ARHGEF3: variants seen among roughly 807,000 people sequenced by gnomAD.
ARHGEF3 encodes the protein Rho guanine nucleotide exchange factor 3.
Under a neutral mutation model 63.2 loss-of-function variants are expected in ARHGEF3, and 28 were observed. The ratio of observed to expected loss-of-function variants is 0.44; its 90% confidence interval spans 0.33 to 0.61. The LOEUF is 0.61. ARHGEF3 is among the 20% of genes least tolerant of loss of function. The pLI is 0.03. For synonymous variants in ARHGEF3, 266 were observed against 254.2 expected, an observed-to-expected ratio of 1.05 and a Z score of -0.44; for missense variants, 533 against 659.3, an observed-to-expected ratio of 0.81 and a Z score of 2.10.
chr3:56,767,857 C>T (rs2035794923), intron 2 of ARHGEF3, among the ~76,000 whole-genome samples: 1 of 151,944 alleles, frequency 6.6e-6, no homozygotes, highest in East Asian at 2.0e-4. Context: ...AGTGATCCTC[C>T]CACCTCAGCC....
intron 2 of ARHGEF3, among the ~76,000 whole-genome samples, chr3:56,967,173 T>A (rs184216589): frequency 7.0e-4 from 101 of 144,800 alleles, no homozygotes; most frequent in African/African-American, 2.4e-3. Context: ...TTTTTTTTTT[T>A]AAATACAGCA....
intron 2 of ARHGEF3, among the ~76,000 whole-genome samples, chr3:56,988,089 CCCCA>C (rs2106935693): frequency 6.6e-6 from 1 of 152,214 alleles, no homozygotes; most frequent in Admixed American, 6.5e-5. Context: ...TCCAGCAGTT[CCCCA>C]CCTCTTGGGA....
chr3:56,926,814 G>T (rs535985262), intron 3 of ARHGEF3, among the ~76,000 whole-genome samples: 4 of 152,356 alleles, frequency 2.6e-5, no homozygotes, highest in African/African-American at 7.2e-5. Flanking sequence ...TTTTTTAAAA[G>T]AATGTGTGTG....
chr3:56,740,000 A>C (rs187666654), intron 7 of ARHGEF3, among the ~76,000 whole-genome samples: 1,683 of 152,084 alleles, frequency 0.011, 64 homozygotes, highest in East Asian at 0.096. Context: ...CCTGGATTCA[A>C]GCGATTCTCC....
chr3:56,927,611 T>A (rs2108383429), intron 3 of ARHGEF3, among the ~76,000 whole-genome samples: 1 of 152,128 alleles, frequency 6.6e-6, no homozygotes, highest in East Asian at 1.9e-4. Flanking sequence ...AGCCCCAGGA[T>A]CAGGCACCTA....
chr3:56,908,873 A>G (rs569611366), intron 3 of ARHGEF3, among the ~76,000 whole-genome samples: 1 of 152,310 alleles, frequency 6.6e-6, no homozygotes, highest in Admixed American at 6.5e-5. Context: ...TACCCAAAGG[A>G]AGAGAAATTA....
rs2041854056 is a variant in ARHGEF3, at chr3:56,911,585, A to G, written c.130-29231T>C. On this transcript the variant is annotated intron_variant, in intron 3 of 12. Transcript: ENST00000338458. ...TCACACGTCTGAGTGTTCCATCAAG[A>G]GAGGCCTTTTTAGGATCTAGTTTGA... is the stretch of plus-strand genomic sequence containing the variant. 2.6e-5 allele frequency among the ~76,000 whole-genome samples: 4 copies of G among 152,202 alleles called. No homozygotes were observed. In the South Asian group the frequency reaches 8.3e-4, roughly 32 times the overall value.
chr3:57,047,732 T>C (rs17057650), intron 1 of ARHGEF3, among the ~76,000 whole-genome samples: 3,523 of 152,248 alleles, frequency 0.023, 145 homozygotes, highest in African/African-American at 0.08. Context: ...CAGCGTTGTA[T>C]TCAATGCTGT....
chr3:56,868,206 C>A (rs1000583486), intron 4 of ARHGEF3, among the ~76,000 whole-genome samples: 16 of 152,138 alleles, frequency 1.1e-4, no homozygotes, highest in Non-Finnish European at 2.1e-4. Flanking sequence ...TAATGCCTAA[C>A]TGTAAGGAGA....
chr3:57,032,629 G>A (rs1006419705), intron 2 of ARHGEF3, among the ~76,000 whole-genome samples: 6 of 152,222 alleles, frequency 3.9e-5, no homozygotes, highest in African/African-American at 1.4e-4. Flanking sequence ...GGACCACTGT[G>A]AGAATTAAAT....
At chr3:56,822,715 T>C (rs2038558323) in intron 4 of ARHGEF3, among the ~76,000 whole-genome samples, 1 of 152,058 alleles carries the variant, frequency 6.6e-6, no homozygotes, top group South Asian at 2.1e-4. Context: ...TAGCTGGGTG[T>C]GGTGGCAGGC....
chr3:57,015,043 A>C (rs1393641644), intron 2 of ARHGEF3, among the ~76,000 whole-genome samples: 1 of 151,576 alleles, frequency 6.6e-6, no homozygotes, highest in Non-Finnish European at 1.5e-5. Flanking sequence ...GTCTGCCAAC[A>C]ACCTGAAATT....
At chr3:56,997,690 G>A (rs769378445) in intron 2 of ARHGEF3, among the ~76,000 whole-genome samples, 17 of 152,126 alleles carry the variant, frequency 1.1e-4, no homozygotes, top group Non-Finnish European at 1.8e-4. Flanking sequence ...GACAGCCTGC[G>A]AGTACAATGA....
chr3:56,751,274 G>T lies in ARHGEF3; in HGVS notation c.535+26C>A, dbSNP rs759410767. ...CAACTCAGTTAAGGCTACAAGTCACGACTCATCCTGGGAACAAAATTATAC... is the reference window on the plus strand; with the variant it reads ...CAACTCAGTTAAGGCTACAAGTCACTACTCATCCTGGGAACAAAATTATAC... On this transcript the variant is annotated intron_variant, in intron 5 of 9. Transcript: ENST00000296315. 2.5e-6 allele frequency: 4 copies of T among 1,589,578 alleles called. No homozygotes were observed. In the South Asian group the frequency reaches 3.3e-5, roughly 13 times the overall value.
At chr3:56,918,282 A>G (rs897031304) in intron 3 of ARHGEF3, among the ~76,000 whole-genome samples, 1 of 152,250 alleles carries the variant, frequency 6.6e-6, no homozygotes, top group African/African-American at 2.4e-5. Flanking sequence ...AAGGAGTCCC[A>G]GCAGCCAAGG....
intron 2 of ARHGEF3, among the ~76,000 whole-genome samples, chr3:56,757,486 A>C (rs1185082890): frequency 6.6e-6 from 1 of 152,192 alleles, no homozygotes; most frequent in Non-Finnish European, 1.5e-5. Flanking sequence ...GAAAAAAAAA[A>C]AAGTTATAAT....
rs935292505 is a variant in ARHGEF3, at chr3:56,821,516, T to G, written c.193-47700A>C. Among the ~76,000 whole-genome samples the G allele has an allele frequency of 3.9e-5, 6 of 152,358 alleles. No homozygotes were observed. In the South Asian group the frequency reaches 1.2e-3, roughly 32 times the overall value. Reference sequence around the variant, plus strand: ...CAACTTAAAAATTATCATTTTTGGTTGGTCAATGCCATTGAGGTTATAAGT... The same window carrying G: ...CAACTTAAAAATTATCATTTTTGGTGGGTCAATGCCATTGAGGTTATAAGT... On this transcript the variant is annotated intron_variant, in intron 4 of 12. Transcript: ENST00000338458.
chr3:56,746,212 T>G (rs2034373528), intron 6 of ARHGEF3, among the ~76,000 whole-genome samples: 1 of 152,206 alleles, frequency 6.6e-6, no homozygotes, highest in African/African-American at 2.4e-5. Flanking sequence ...CTGCTTTTGT[T>G]TCTTTCTCTT....
intron 3 of ARHGEF3, among the ~76,000 whole-genome samples, chr3:56,921,990 C>T (rs1032504801): frequency 6.6e-6 from 1 of 152,048 alleles, no homozygotes; most frequent in Non-Finnish European, 1.5e-5. Flanking sequence ...TCTTTATTCT[C>T]TCTAAACAAA....
Sources: gnomAD v4.1 joint callset for allele counts (sites outside exome capture counted in the v4.1 genomes callset) on GRCh38, gnomAD v4.1.1 for gene constraint, MANE v1.5 for transcripts, NCBI Gene and HGNC (gene_info 2026-07-23, HGNC 2026-07-21) for gene names.